Variants in SEL1L2 observed in about 807,000 individuals in gnomAD.
SEL1L2 encodes the protein protein sel-1 homolog 2.
SEL1L2 carries 89 observed loss-of-function variants against 98.8 expected under a neutral mutation model. The observed-to-expected ratio is 0.90, with a 90% confidence interval of 0.76 to 1.07. The LOEUF (loss-of-function observed/expected upper bound fraction) is 1.07, where lower values mean the gene tolerates loss of function less well. Among genes scored for constraint, SEL1L2 ranks in the 50% least tolerant of loss-of-function variants. The pLI is 0.00. For missense variants in SEL1L2, 788 were observed against 812.0 expected, an observed-to-expected ratio of 0.97 and a Z score of 0.36; for synonymous variants, 262 against 278.5, an observed-to-expected ratio of 0.94 and a Z score of 0.59.
chr20:13,883,284 G>C (rs1014316864), intron 10 of SEL1L2, among the ~76,000 whole-genome samples: 1 of 152,210 alleles, frequency 6.6e-6, no homozygotes, highest in African/African-American at 2.4e-5. Flanking sequence ...ATATGTGGAA[G>C]CAGGAGGCCC....
intron 1 of SEL1L2, among the ~76,000 whole-genome samples, chr20:13,980,207 G>C (rs2051742643): frequency 6.6e-6 from 1 of 152,150 alleles, no homozygotes; most frequent in South Asian, 2.1e-4. Context: ...TGTTGGTGAG[G>C]ATGTGGAGAA....
At chr20:13,915,853 T>C (rs7267933) in intron 4 of SEL1L2, among the ~76,000 whole-genome samples, 28,145 of 152,028 alleles carry the variant, frequency 0.19, 2,700 homozygotes, top group Non-Finnish European at 0.21. Context: ...TAAAAGACAA[T>C]TTAATTAGTT....
At chr20:13,908,061 CA>C (rs113156805) in intron 5 of SEL1L2, among the ~76,000 whole-genome samples, 6,270 of 133,348 alleles carry the variant, frequency 0.047, 151 homozygotes, top group African/African-American at 0.063. Context: ...GTTAGGATTA[CA>C]AGGCAGGAGC....
rs149708804 is a variant in SEL1L2, at chr20:13,962,025, G to A, written c.59-5894C>T. The stretch of plus-strand genomic sequence containing the variant: ...AGAACTATACCTAAGGAACTTCATC[G>A]ACATCTTGACTTCATACAGACCATG... On this transcript the variant is annotated intron_variant, in intron 1 of 19. Transcript: ENST00000284951. Among the ~76,000 whole-genome samples, 621 of 152,238 alleles carry A rather than the reference G, an allele frequency of 4.1e-3. 1 individual carries two copies. The highest frequency in any genetic ancestry group is 0.011 in the East Asian group (55 of 5,174).
intron 2 of SEL1L2, among the ~76,000 whole-genome samples, chr20:13,946,426 TAGTC>T (rs1342933540): frequency 4.6e-5 from 7 of 152,182 alleles, no homozygotes; most frequent in Non-Finnish European, 8.8e-5. Flanking sequence ...TAAAGAAACT[TAGTC>T]AAGAAGACAA....
At chr20:13,990,844 C>T (rs1004287406), upstream of SEL1L2, among the ~76,000 whole-genome samples, 2 of 152,336 alleles carry the variant, frequency 1.3e-5, no homozygotes, top group South Asian at 2.1e-4. Flanking sequence ...CGTGTCCACA[C>T]GTTCAACTGT....
At chr20:13,912,292 ATTTTTTTTTTT>A (rs11478603) in intron 5 of SEL1L2, among the ~76,000 whole-genome samples, 151 of 111,338 alleles carry the variant, frequency 1.4e-3, no homozygotes, top group African/African-American at 4.9e-3. Flanking sequence ...TTTCTGTGGG[ATTTTTTTTTTT>A]TTTTTTTTTT....
chr20:13,942,779 T>C (rs2049838360), intron 2 of SEL1L2, among the ~76,000 whole-genome samples: 1 of 152,194 alleles, frequency 6.6e-6, no homozygotes, highest in South Asian at 2.1e-4. Flanking sequence ...AATAAATGCA[T>C]GTATGTTTGA....
chr20:13,909,211 G>A (rs777764502), intron 5 of SEL1L2, among the ~76,000 whole-genome samples: 3 of 152,110 alleles, frequency 2.0e-5, no homozygotes, highest in Non-Finnish European at 4.4e-5. Flanking sequence ...GTGCGGGCAG[G>A]ATTTCTGTAC....
At chr20:13,962,858 G>T (rs1400718351) in intron 1 of SEL1L2, among the ~76,000 whole-genome samples, 1 of 152,128 alleles carries the variant, frequency 6.6e-6, no homozygotes, top group Non-Finnish European at 1.5e-5. Flanking sequence ...AAGGTCAGAA[G>T]CTCAAGACCC....
At chr20:13,934,159 C>T (rs908708746) in intron 2 of SEL1L2, among the ~76,000 whole-genome samples, 2 of 149,210 alleles carry the variant, frequency 1.3e-5, no homozygotes, top group African/African-American at 2.5e-5. Flanking sequence ...TCCATTGTAT[C>T]ATTCTTATGG....
At chr20:13,923,591 T>C (rs1199940421) in intron 3 of SEL1L2, among the ~76,000 whole-genome samples, 1 of 152,174 alleles carries the variant, frequency 6.6e-6, no homozygotes, top group African/African-American at 2.4e-5. Flanking sequence ...TCATTTCTAC[T>C]AATAATACAA....
rs186662703 is a variant in SEL1L2, at chr20:13,924,745, T to C, written c.284-5622A>G. On this transcript the variant is annotated intron_variant, in intron 3 of 19. Coordinates refer to ENST00000284951, the MANE Select transcript of SEL1L2 (RefSeq NM_025229.2). ...ACTCTGGTTGGTTCTTTTACATGGC[T>C]GCTTATTCCTTTGTCAGGATGCCTT... Among the ~76,000 whole-genome samples the C allele has an allele frequency of 3.2e-4, 49 of 152,324 alleles. No homozygotes were observed. The East Asian group carries it at 9.1e-3, about 28-fold the overall frequency.
intron 1 of SEL1L2, among the ~76,000 whole-genome samples, chr20:13,990,208 A>G (rs774557307): frequency 5.9e-5 from 9 of 152,230 alleles, no homozygotes; most frequent in Middle Eastern, 3.4e-3. Flanking sequence ...ACTTTATAAC[A>G]ATTACTGTAG....
chr20:13,958,955 C>A (rs1160289195), intron 1 of SEL1L2, among the ~76,000 whole-genome samples: 5 of 149,598 alleles, frequency 3.3e-5, no homozygotes, highest in South Asian at 2.1e-4. Context: ...GCAAAGAAGA[C>A]AAGAGCCTTG....
rs932879407 is a variant in SEL1L2 at position 13,966,543 on chromosome 20, C to T, written c.59-10412G>A. 1.4e-4 allele frequency among the ~76,000 whole-genome samples: 21 copies of T among 152,148 alleles called. 1 individual carries two copies. Among genetic ancestry groups the T allele is most frequent in the African/African-American group, 5.1e-4 (21 of 41,420 alleles). ...CTGTGTGGGCCAGGTTGGTTACAAA[C>T]TCCTGACCTCAGGCAATCCACCCAC... On this transcript the variant is annotated intron_variant, in intron 1 of 19. Coordinates refer to ENST00000284951, the MANE Select transcript of SEL1L2 (RefSeq NM_025229.2).
At chr20:13,985,909 T>C (rs926035527) in intron 1 of SEL1L2, among the ~76,000 whole-genome samples, 1 of 152,232 alleles carries the variant, frequency 6.6e-6, no homozygotes, top group African/African-American at 2.4e-5. Context: ...TCACATGATA[T>C]GTGGCCATTT....
At chr20:13,984,793 A>AT (rs931517231) in intron 1 of SEL1L2, among the ~76,000 whole-genome samples, 3 of 149,590 alleles carry the variant, frequency 2.0e-5, no homozygotes, top group East Asian at 2.0e-4. Context: ...TTGCTTTTAA[A>AT]TTTTTTTTGC....
At chr20:13,941,524 T>G in intron 2 of SEL1L2, among the ~76,000 whole-genome samples, 1 of 152,194 alleles carries the variant, frequency 6.6e-6, no homozygotes, top group South Asian at 2.1e-4. Flanking sequence ...GGAGATGGAC[T>G]GAATACAGGG....
Sources: allele counts gnomAD v4.1 joint callset (sites outside exome capture counted in the v4.1 genomes callset), GRCh38; gene constraint gnomAD v4.1.1; transcripts MANE v1.5; gene names NCBI Gene and HGNC (gene_info 2026-07-23, HGNC 2026-07-21).